TWIST2: variants seen among roughly 807,000 people sequenced by gnomAD.
TWIST2 encodes twist-related protein 2.
A neutral mutation model predicts 11.6 loss-of-function variants in TWIST2; 1 was observed. The observed-to-expected ratio is 0.09, with a 90% CI of 0.03 to 0.41. The LOEUF (loss-of-function observed/expected upper bound fraction) is 0.41, where lower values mean the gene tolerates loss of function less well. Ranked by LOEUF, TWIST2 falls within the 10% of genes least tolerant of loss-of-function variation. The pLI, the probability that TWIST2 is intolerant of heterozygous loss-of-function variation, is 0.98. For missense variants in TWIST2, 168 were observed against 226.4 expected (o/e 0.74, Z 1.66); for synonymous variants, 87 against 96.6 (o/e 0.90, Z 0.58).
rs185421132 is a variant in TWIST2, at chr2:238,882,122, G to T, written c.*36-27720G>T. On this transcript the variant is annotated intron_variant, in intron 1 of 1. Coordinates refer to ENST00000612363, the MANE Select transcript of TWIST2 (RefSeq NM_001271893.4). ...TTATTTAGGGGCACATGGCAAGTCAGATTTAACCCTGGGCCTCTGGCTCCC... is the reference window on the plus strand; with the variant it reads ...TTATTTAGGGGCACATGGCAAGTCATATTTAACCCTGGGCCTCTGGCTCCC... Among the ~76,000 whole-genome samples the T allele has an allele frequency of 7.2e-5, 11 of 152,260 alleles. No homozygotes were observed. In the South Asian group the frequency reaches 1.2e-3, roughly 17 times the overall value.
chr2:238,891,895 G>T (rs964249974), intron 1 of TWIST2, among the ~76,000 whole-genome samples: 2 of 152,204 alleles, frequency 1.3e-5, no homozygotes, highest in African/African-American at 4.8e-5. Flanking sequence ...CAGCCACTGC[G>T]TGTGGGAAGA....
rs138102662 is a variant in TWIST2 at position 238,879,421 on chromosome 2, T to C, written c.*36-30421T>C. 2.0e-3 allele frequency among the ~76,000 whole-genome samples: 298 copies of C among 152,278 alleles called. 1 individual carries two copies. The highest frequency in any genetic ancestry group is 6.8e-3 in the African/African-American group (282 of 41,558). On this transcript the variant is annotated intron_variant, in intron 1 of 1. Transcript: ENST00000612363. ...CACTCCCAAAGCTTCTCATTCTACA[T>C]GTTGGGTCATGTGGTCATCCTGTCC...
In TWIST2 at chr2:238,887,890, G is replaced by A. The variant is rs568696991; in HGVS notation, c.*36-21952G>A. Among the ~76,000 whole-genome samples the A allele has an allele frequency of 8.5e-5, 13 of 152,324 alleles. No homozygotes were observed. In the South Asian group the frequency reaches 1.0e-3, roughly 12 times the overall value. On this transcript the variant is annotated intron_variant, in intron 1 of 1. Coordinates refer to ENST00000612363, the MANE Select transcript of TWIST2 (RefSeq NM_001271893.4). ...GATTCAGGGGCTTCTTTGTTGCAGC[G>A]TGAAGCCTAACTTGTTCTGCCTGAC...
At chr2:238,878,547 A>T (rs1028370585) in intron 1 of TWIST2, among the ~76,000 whole-genome samples, 2 of 152,182 alleles carry the variant, frequency 1.3e-5, no homozygotes, top group African/African-American at 4.8e-5. Flanking sequence ...GCCTGTGGGG[A>T]CAAGGGTCAC....
chr2:238,903,067 A>G (rs1178387734), intron 1 of TWIST2, among the ~76,000 whole-genome samples: 19,166 of 56,370 alleles, frequency 0.34, 4,204 homozygotes, highest in Middle Eastern at 0.43. Context: ...TGTGTGATGT[A>G]GTGTGTGTGA....
intron 1 of TWIST2, among the ~76,000 whole-genome samples, chr2:238,897,568 T>C (rs1399045804): frequency 1.3e-5 from 2 of 152,184 alleles, no homozygotes; most frequent in East Asian, 3.9e-4. Context: ...GCCAGCCTTG[T>C]GCTCAGCTGC....
intron 1 of TWIST2, among the ~76,000 whole-genome samples, chr2:238,901,685 G>C (rs1489909724): frequency 2.0e-5 from 3 of 152,174 alleles, no homozygotes; most frequent in African/African-American, 7.2e-5. Context: ...GGGTCAGGAG[G>C]CTGGGTCCAG....
At chr2:238,905,927 G>A (rs1283242115) in intron 1 of TWIST2, among the ~76,000 whole-genome samples, 16 of 107,980 alleles carry the variant, frequency 1.5e-4, no homozygotes, top group East Asian at 4.9e-4. Flanking sequence ...GCAGGTGTGC[G>A]TGTGCGCGTG....
intron 1 of TWIST2, among the ~76,000 whole-genome samples, chr2:238,906,679 G>A (rs923032507): frequency 3.3e-5 from 5 of 152,044 alleles, no homozygotes; most frequent in Non-Finnish European, 2.9e-5. Flanking sequence ...GGATGTCACC[G>A]AGCACCACGT....
At chr2:238,876,628 C>A (rs994369989) in intron 1 of TWIST2, among the ~76,000 whole-genome samples, 1 of 152,182 alleles carries the variant, frequency 6.6e-6, no homozygotes, top group African/African-American at 2.4e-5. Context: ...AGATTAAATT[C>A]TAGATAAAAT....
At chr2:238,906,777 C>A (rs994299711) in intron 1 of TWIST2, among the ~76,000 whole-genome samples, 1 of 152,176 alleles carries the variant, frequency 6.6e-6, no homozygotes, top group Non-Finnish European at 1.5e-5. Flanking sequence ...TCACGGTGAC[C>A]CCTCTCCTGG....
chr2:238,905,502 T>G (rs920868944), intron 1 of TWIST2, among the ~76,000 whole-genome samples: 111 of 152,244 alleles, frequency 7.3e-4, no homozygotes, highest in African/African-American at 2.6e-3. Flanking sequence ...AGAAGACTAA[T>G]GAACCTGCCG....
At chr2:238,902,696 GTGA>G (rs1693286339) in intron 1 of TWIST2, among the ~76,000 whole-genome samples, 10 of 145,264 alleles carry the variant, frequency 6.9e-5, no homozygotes, top group African/African-American at 2.6e-4. Flanking sequence ...GATATGGGGT[GTGA>G]TGTGTGAGGT....
intron 1 of TWIST2, among the ~76,000 whole-genome samples, chr2:238,849,262 C>T (rs1692194919): frequency 6.6e-6 from 1 of 152,220 alleles, no homozygotes; most frequent in African/African-American, 2.4e-5. Context: ...GCTGCTCGCG[C>T]CTGGGGTCCC....
rs1226395220 is a variant in TWIST2, at chr2:238,866,720, T to C, written c.*35+17987T>C. On this transcript the variant is annotated intron_variant, in intron 1 of 1. Transcript: ENST00000612363. This position sits in a 1 kb window ranked among gnomAD's most constrained non-coding sequence, Gnocchi z 4.9. ...TGCCTTCACGCTGCTCTCCCTTGAC[T>C]GGAATCTCCCTTGTGCCCGACAGGA... 2.0e-5 allele frequency among the ~76,000 whole-genome samples: 3 copies of C among 152,050 alleles called. No homozygotes were observed. Among genetic ancestry groups the C allele is most frequent in the Non-Finnish European group, 4.4e-5 (3 of 68,006 alleles).
At chr2:238,905,870 CGTGT>C (rs1170995490) in intron 1 of TWIST2, among the ~76,000 whole-genome samples, 57,724 of 149,766 alleles carry the variant, frequency 0.39, 11,193 homozygotes, top group Middle Eastern at 0.51. Flanking sequence ...TGTGTGCGTG[CGTGT>C]GTGTGCATGT....
chr2:238,849,103 G>C (rs1692190584), intron 1 of TWIST2, among the ~76,000 whole-genome samples: 1 of 152,186 alleles, frequency 6.6e-6, no homozygotes, highest in African/African-American at 2.4e-5. Flanking sequence ...GCTGGGGACT[G>C]GGATATGAGG....
At chr2:238,874,036 A>C (rs1272109422) in intron 1 of TWIST2, among the ~76,000 whole-genome samples, 2 of 152,114 alleles carry the variant, frequency 1.3e-5, no homozygotes, top group Non-Finnish European at 2.9e-5. Flanking sequence ...GCGTTAGAGG[A>C]GTTAGCAGCC....
rs764923295 is a variant in TWIST2, at chr2:238,864,775, G to A, written c.*35+16042G>A. 6.0e-4 allele frequency among the ~76,000 whole-genome samples: 91 copies of A among 152,266 alleles called. No homozygotes were observed. The highest frequency in any genetic ancestry group is 2.3e-3 in the South Asian group (11 of 4,820). On this transcript the variant is annotated intron_variant, in intron 1 of 1. Transcript: ENST00000612363. The surrounding 1 kb of genome is among the most constrained non-coding windows in gnomAD (Gnocchi z 4.7). Reference sequence around the variant, plus strand: ...ACCCACCAGGCCTGCACCCTACCCTGGGAAACACCTGTGGGGCTGTCCCCT... The same window carrying A: ...ACCCACCAGGCCTGCACCCTACCCTAGGAAACACCTGTGGGGCTGTCCCCT...
Sources: allele counts gnomAD v4.1 joint callset (sites outside exome capture counted in the v4.1 genomes callset), GRCh38; gene constraint gnomAD v4.1.1; non-coding constraint Gnocchi (gnomAD v3.1); transcripts MANE v1.5; gene names NCBI Gene and HGNC (gene_info 2026-07-23, HGNC 2026-07-21).